VPS13C: variants seen among roughly 807,000 people sequenced by gnomAD.
VPS13C encodes intermembrane lipid transfer protein VPS13C.
VPS13C carries 358 observed loss-of-function variants against 456.8 expected under a neutral mutation model. The ratio of observed to expected loss-of-function variants is 0.78; its 90% CI spans 0.72 to 0.86. The LOEUF (loss-of-function observed/expected upper bound fraction) is 0.86. Among genes scored for constraint, VPS13C ranks in the 40% least tolerant of loss-of-function variants. VPS13C has a pLI of 0.00. For missense variants in VPS13C, 4,818 were observed against 4,385.4 expected (o/e 1.10, Z -2.79); for synonymous variants, 1,578 against 1,486.7 (o/e 1.06, Z -1.41).
intron 16 of VPS13C, among the ~76,000 whole-genome samples, chr15:62,000,104 G>A (rs1423647444): frequency 3.3e-5 from 5 of 152,206 alleles, no homozygotes; most frequent in Middle Eastern, 3.4e-3. Context: ...GCTCACGCCT[G>A]TAATCCCAGC....
intron 18 of VPS13C, among the ~76,000 whole-genome samples, chr15:61,988,059 A>C (rs1481649828): frequency 6.6e-6 from 1 of 152,262 alleles, no homozygotes; most frequent in Non-Finnish European, 1.5e-5. Flanking sequence ...AAAAGGAACA[A>C]TCTACAGACA....
intron 9 of VPS13C, among the ~76,000 whole-genome samples, chr15:62,019,200 TAGC>T (rs1955067016): frequency 6.6e-6 from 1 of 152,214 alleles, no homozygotes; most frequent in South Asian, 2.1e-4. Context: ...CTAGTCTTAC[TAGC>T]AGTCTATCGA....
At chr15:61,986,668 C>T (rs1235204562) in intron 18 of VPS13C, among the ~76,000 whole-genome samples, 3 of 152,014 alleles carry the variant, frequency 2.0e-5, no homozygotes, top group Admixed American at 6.6e-5. Flanking sequence ...AAAATGAATA[C>T]ATATCTAGTC....
chr15:61,995,955 C>G (rs1442012926), intron 16 of VPS13C, among the ~76,000 whole-genome samples: 1 of 152,160 alleles, frequency 6.6e-6, no homozygotes, highest in Non-Finnish European at 1.5e-5. Context: ...TGGAGCACAG[C>G]AGAGGAACAT....
intron 79 of VPS13C, among the ~76,000 whole-genome samples, chr15:61,870,812 A>T (rs1894965499): frequency 6.6e-6 from 1 of 152,160 alleles, no homozygotes; most frequent in Non-Finnish European, 1.5e-5. Flanking sequence ...CCATCCCAGT[A>T]GGTGTGAAAC....
chr15:61,920,971 T>C (rs1302323451), intron 55 of VPS13C, among the ~76,000 whole-genome samples: 1 of 152,126 alleles, frequency 6.6e-6, no homozygotes, highest in Non-Finnish European at 1.5e-5. Flanking sequence ...TGACGAGCAA[T>C]CTAAGAGGAC....
chr15:61,966,650 C>CA (rs2045385441), intron 29 of VPS13C, among the ~76,000 whole-genome samples: 1 of 151,924 alleles, frequency 6.6e-6, no homozygotes, highest in African/African-American at 2.4e-5. Flanking sequence ...AATTCAAACT[C>CA]AAAGATTTAC....
chr15:62,054,056 A>C (rs139564783), intron 1 of VPS13C, among the ~76,000 whole-genome samples: 150 of 152,360 alleles, frequency 9.8e-4, no homozygotes, highest in African/African-American at 3.5e-3. Context: ...ATTTTGAAAA[A>C]TCAAATTGAC....
At chr15:61,976,501 G>A (rs1027158181) in intron 24 of VPS13C, among the ~76,000 whole-genome samples, 1 of 151,878 alleles carries the variant, frequency 6.6e-6, no homozygotes, top group African/African-American at 2.4e-5. Context: ...ATTTAAGTAG[G>A]GAAGGAAAGA....
chr15:62,059,855 T>G (rs1383387936), intron 1 of VPS13C, among the ~76,000 whole-genome samples: 1 of 152,170 alleles, frequency 6.6e-6, no homozygotes, highest in East Asian at 1.9e-4. Flanking sequence ...ACTTCCTCCT[T>G]TTTTCTTAGT....
intron 18 of VPS13C, among the ~76,000 whole-genome samples, chr15:61,985,833 A>G (rs2046032097): frequency 2.0e-5 from 3 of 152,068 alleles, no homozygotes; most frequent in Non-Finnish European, 4.4e-5. Context: ...TGTTTCTCCT[A>G]GAGGTATTTG....
intron 47 of VPS13C, among the ~76,000 whole-genome samples, chr15:61,939,993 C>CA (rs1166194792): frequency 0.024 from 2,298 of 94,194 alleles, 25 homozygotes; most frequent in Middle Eastern, 0.044. Flanking sequence ...GACTCCGTCT[C>CA]AAAAAAAAAA....
chr15:61,903,379 A>T (rs1165946053), intron 66 of VPS13C, among the ~76,000 whole-genome samples: 1 of 152,042 alleles, frequency 6.6e-6, no homozygotes, highest in African/African-American at 2.4e-5. Flanking sequence ...AACAACAAAC[A>T]AACTAAAAAA....
chr15:61,854,093 C>A lies in VPS13C; in HGVS notation c.*364G>T. On this transcript the variant is annotated 3_prime_UTR_variant, in exon 85 of 85. Coordinates refer to ENST00000644861, the MANE Select transcript of VPS13C (RefSeq NM_020821.3). Reference sequence around the variant, plus strand: ...AAAAATAAAAAAACCTTTCAAAGAACACTAGTCATTCTAAGCTCATTTCTT... The same window carrying A: ...AAAAATAAAAAAACCTTTCAAAGAAAACTAGTCATTCTAAGCTCATTTCTT... 1.0e-5 allele frequency: 2 copies of A among 195,828 alleles called. No individual in the cohort carries two copies. The highest frequency in any genetic ancestry group is 2.4e-4 in the East Asian group (2 of 8,388). 12.1% of individuals were successfully genotyped at this position (195,828 alleles called of 1,614,324 possible). A position where few individuals can be genotyped will look rare whatever the true frequency, so the allele number is the denominator to read the frequency against.
chr15:62,011,729 C>G (rs745489607), intron 12 of VPS13C, among the ~76,000 whole-genome samples: 2 of 152,022 alleles, frequency 1.3e-5, no homozygotes, highest in East Asian at 3.9e-4. Flanking sequence ...TATGTTAACA[C>G]TGCAATAGTA....
intron 23 of VPS13C, 106 bp downstream of exon 23, chr15:61,978,520 T>C: frequency 1.5e-6 from 2 of 1,345,838 alleles, no homozygotes; most frequent in Non-Finnish European, 9.9e-7. Flanking sequence ...AGAATATGTG[T>C]GCAAAATGGT....
chr15:61,868,711 C>A lies in VPS13C; in HGVS notation c.10811G>T (p.Gly3604Val). ...LRPPRLIHED[G>V]IIRPYDRQES... ...CTGTCTGTCATAAGGACGAATGATG[C>A]CATCTTCATGGATCAGGCGAGGGGG... Residue 3604 changes from glycine (G) to valine (V), a missense_variant, in exon 81 of 85, where the codon GGC becomes GTC. Transcript: ENST00000644861. The A allele has an allele frequency of 6.2e-7, 1 of 1,614,092 alleles. No individual in the cohort carries two copies. The highest frequency in any genetic ancestry group is 2.2e-5 in the East Asian group (1 of 44,858).
At chr15:61,920,438 A>T in intron 56 of VPS13C, 60 bp downstream of exon 56, 3 of 1,488,894 alleles carry the variant, frequency 2.0e-6, no homozygotes, top group South Asian at 2.9e-5. Context: ...GATGACAAAA[A>T]AATTATATGT....
intron 33 of VPS13C, 62 bp from the exon 34 acceptor site, chr15:61,962,600 T>G: frequency 6.7e-7 from 1 of 1,489,076 alleles, no homozygotes; most frequent in Non-Finnish European, 9.0e-7. Flanking sequence ...AAAATCTCAT[T>G]TACAAAAGGC....
Sources: allele counts gnomAD v4.1 joint callset (sites outside exome capture counted in the v4.1 genomes callset), GRCh38; gene constraint gnomAD v4.1.1; transcripts MANE v1.5; gene names NCBI Gene and HGNC (gene_info 2026-07-23, HGNC 2026-07-21).